SPMAP2L: variants seen among roughly 807,000 people sequenced by gnomAD.
The protein encoded by SPMAP2L is sperm microtubule associated protein 2-like.
At chr4:56,612,098 C>A in the SPMAP2L span, among the ~76,000 whole-genome samples, 2 of 152,080 alleles carry the variant, frequency 1.3e-5, no homozygotes, top group Non-Finnish European at 2.9e-5. Flanking sequence ...TGTGTGAGGA[C>A]CAGAAGAGGA....
chr4:56,535,519 T>A, the SPMAP2L span, among the ~76,000 whole-genome samples: 2 of 152,046 alleles, frequency 1.3e-5, no homozygotes, highest in African/African-American at 2.4e-5. Flanking sequence ...ATCATGACCC[T>A]CTCATGCAGA....
chr4:56,543,248 T>C, the SPMAP2L span, among the ~76,000 whole-genome samples: 2 of 151,980 alleles, frequency 1.3e-5, no homozygotes, highest in South Asian at 4.2e-4. Flanking sequence ...CACACCAGGC[T>C]AATATTTTGT....
At chr4:56,611,468 G>T in the SPMAP2L span, among the ~76,000 whole-genome samples, 1 of 152,112 alleles carries the variant, frequency 6.6e-6, no homozygotes, top group Non-Finnish European at 1.5e-5. Flanking sequence ...CTACAAATCA[G>T]GTTCAGTGTA....
At chr4:56,624,139 G>A in the SPMAP2L span, among the ~76,000 whole-genome samples, 4 of 152,326 alleles carry the variant, frequency 2.6e-5, no homozygotes, top group Admixed American at 6.5e-5. Flanking sequence ...GAGCAAAGGC[G>A]ACTCTTGTTA....
At chr4:56,577,743 C>T in the SPMAP2L span, among the ~76,000 whole-genome samples, 8 of 152,068 alleles carry the variant, frequency 5.3e-5, no homozygotes, top group South Asian at 2.1e-4. Context: ...ACCTGCTTTA[C>T]GAGAAATAAT....
the SPMAP2L span, among the ~76,000 whole-genome samples, chr4:56,622,444 T>C: frequency 2.6e-5 from 4 of 152,240 alleles, no homozygotes; most frequent in African/African-American, 9.6e-5. Context: ...TCACTCTTTA[T>C]AGGCAAAGTT....
the SPMAP2L span, among the ~76,000 whole-genome samples, chr4:56,574,953 G>GAA: frequency 8.8e-5 from 13 of 148,194 alleles, no homozygotes; most frequent in African/African-American, 2.7e-4. Context: ...TGTCTCAATT[G>GAA]AAAAAAAAAG....
At chr4:56,543,973 T>TGAGA in the SPMAP2L span, among the ~76,000 whole-genome samples, 353 of 127,286 alleles carry the variant, frequency 2.8e-3, 2 homozygotes, top group African/African-American at 3.5e-3. Context: ...TGTGTGTATG[T>TGAGA]GAGAGAGAGA....
At chr4:56,622,711 A>G in the SPMAP2L span, among the ~76,000 whole-genome samples, 1,643 of 152,270 alleles carry the variant, frequency 0.011, 19 homozygotes, top group African/African-American at 0.033. Flanking sequence ...GGCTCTCCAC[A>G]ATCAGACTCC....
At chr4:56,581,829 G>C in the SPMAP2L span, among the ~76,000 whole-genome samples, 1 of 152,166 alleles carries the variant, frequency 6.6e-6, no homozygotes, top group Non-Finnish European at 1.5e-5. Context: ...TAGACATTTA[G>C]AGCAATGAAA....
the SPMAP2L span, among the ~76,000 whole-genome samples, chr4:56,562,675 T>A: frequency 2.6e-4 from 39 of 152,108 alleles, 1 homozygote; most frequent in Admixed American, 1.3e-4. Context: ...TTCCCTTATA[T>A]CTTTATTTTA....
chr4:56,552,586 C>T, the SPMAP2L span: 1 of 1,527,364 alleles, frequency 6.5e-7, no homozygotes, highest in Admixed American at 2.0e-5. Context: ...TCTTTCAAAG[C>T]CTAAAAAGCA....
the SPMAP2L span, among the ~76,000 whole-genome samples, chr4:56,587,998 G>T: frequency 2.0e-5 from 3 of 152,122 alleles, no homozygotes; most frequent in South Asian, 2.1e-4. Flanking sequence ...CGGATTTTTT[G>T]ATTACGGCCA....
chr4:56,602,174 C>G, the SPMAP2L span, among the ~76,000 whole-genome samples: 2 of 152,060 alleles, frequency 1.3e-5, no homozygotes, highest in African/African-American at 4.8e-5. Flanking sequence ...TTAACTTGCC[C>G]GAGCCTCAAT....
At chr4:56,605,496 A>C in the SPMAP2L span, among the ~76,000 whole-genome samples, 1 of 152,316 alleles carries the variant, frequency 6.6e-6, no homozygotes, top group South Asian at 2.1e-4. Context: ...TCTCTAATGA[A>C]GGAACAACTG....
the SPMAP2L span, among the ~76,000 whole-genome samples, chr4:56,545,445 T>C: frequency 6.6e-6 from 1 of 152,122 alleles, no homozygotes; most frequent in African/African-American, 2.4e-5. Context: ...TTACTAATAA[T>C]TTTCATGGCT....
the SPMAP2L span, among the ~76,000 whole-genome samples, chr4:56,588,589 G>A: frequency 4.6e-5 from 7 of 151,896 alleles, no homozygotes; most frequent in African/African-American, 1.7e-4. Context: ...GCACCACCAC[G>A]CCAGGCTAAT....
the SPMAP2L span, among the ~76,000 whole-genome samples, chr4:56,544,626 T>G: frequency 6.6e-6 from 1 of 152,202 alleles, no homozygotes; most frequent in Non-Finnish European, 1.5e-5. Context: ...ATTTTTTTTT[T>G]TAAATTTCAA....
chr4:56,543,574 C>A, the SPMAP2L span, among the ~76,000 whole-genome samples: 2 of 151,988 alleles, frequency 1.3e-5, no homozygotes, highest in Non-Finnish European at 2.9e-5. Context: ...CACCAGTAGT[C>A]CCAGCTACTT....
Sources: gnomAD v4.1 joint callset for allele counts (sites outside exome capture counted in the v4.1 genomes callset) on GRCh38, gnomAD v4.1.1 for gene constraint, MANE v1.5 for transcripts, NCBI Gene and HGNC (gene_info 2026-07-23, HGNC 2026-07-21) for gene names.